Variants in EPS15 observed in about 807,000 individuals in gnomAD.
EPS15 encodes the protein epidermal growth factor receptor substrate 15.
In EPS15, 72 loss-of-function variants were observed where a neutral mutation model predicts 113.8. The ratio of observed to expected loss-of-function variants is 0.63; its 90% CI spans 0.52 to 0.77. EPS15 has a LOEUF of 0.77. Among genes scored for constraint, EPS15 ranks in the 30% least tolerant of loss-of-function variants. The pLI is 0.00. For missense variants in EPS15, 1,048 were observed against 1,045.8 expected, an observed-to-expected ratio of 1.00 and a Z score of -0.03; for synonymous variants, 344 against 363.4, an observed-to-expected ratio of 0.95 and a Z score of 0.61.
At chr1:51,413,447 G>C (rs1312034159) in intron 13 of EPS15, among the ~76,000 whole-genome samples, 1 of 152,168 alleles carries the variant, frequency 6.6e-6, no homozygotes, top group Non-Finnish European at 1.5e-5. Flanking sequence ...AGCAATTACT[G>C]TAACTATCAT....
intron 12 of EPS15, among the ~76,000 whole-genome samples, chr1:51,430,021 C>T (rs1009894424): frequency 8.6e-5 from 13 of 151,992 alleles, no homozygotes; most frequent in Non-Finnish European, 1.3e-4. Context: ...CTTTGAACAC[C>T]GAATGGCATT....
At chr1:51,466,640 A>G (rs1490343863) in intron 5 of EPS15, among the ~76,000 whole-genome samples, 1 of 151,832 alleles carries the variant, frequency 6.6e-6, no homozygotes, top group Non-Finnish European at 1.5e-5. Context: ...AAATAAATAA[A>G]TAAATAAAAA....
chr1:51,423,457 G>A, intron 12 of EPS15: 1 of 985,316 alleles, frequency 1.0e-6, no homozygotes, highest in Non-Finnish European at 1.2e-6. Flanking sequence ...CTCCTTATGT[G>A]AGCAGATGAA....
intron 19 of EPS15, 128 bp downstream of exon 19, chr1:51,400,790 C>T (rs1648468572): frequency 1.5e-5 from 4 of 270,200 alleles, no homozygotes; most frequent in Non-Finnish European, 3.0e-5. Flanking sequence ...GAATTTACTA[C>T]TCTCTTTCTG....
intron 21 of EPS15, among the ~76,000 whole-genome samples, chr1:51,390,491 T>A (rs928972753): frequency 6.6e-6 from 1 of 152,072 alleles, no homozygotes; most frequent in African/African-American, 2.4e-5. Flanking sequence ...AAAGAGCTTC[T>A]GCACAGCAAA....
chr1:51,387,997 C>T (rs1205537534), intron 21 of EPS15, among the ~76,000 whole-genome samples: 4 of 152,194 alleles, frequency 2.6e-5, no homozygotes, highest in Non-Finnish European at 5.9e-5. Context: ...AACTCTCCAC[C>T]ACAAATCAAC....
At chr1:51,408,990 G>C (rs1306673068) in intron 14 of EPS15, among the ~76,000 whole-genome samples, 1 of 152,124 alleles carries the variant, frequency 6.6e-6, no homozygotes, top group Non-Finnish European at 1.5e-5. Context: ...AGTAGAGACG[G>C]GGTTTCACCG....
At chr1:51,426,115 G>A (rs1651177203) in intron 12 of EPS15, among the ~76,000 whole-genome samples, 1 of 151,922 alleles carries the variant, frequency 6.6e-6, no homozygotes, top group Non-Finnish European at 1.5e-5. Flanking sequence ...TCTGTCACAA[G>A]TCACCTTACA....
In EPS15 at chr1:51,474,716, T is replaced by G. The variant is rs146601448; in HGVS notation, c.76-1768A>C. Among the ~76,000 whole-genome samples the G allele has an allele frequency of 2.3e-3, 352 of 152,134 alleles. 6 individuals are homozygous for G. In the East Asian group the frequency reaches 0.062, roughly 27 times the overall value. ...TATTATTATACTTTAAGTTCTAGGG[T>G]ACATGTGCACAACATGCAGGTTTGT... is the stretch of plus-strand genomic sequence containing the variant. On this transcript the variant is annotated intron_variant, in intron 2 of 24. Coordinates refer to ENST00000371733, the MANE Select transcript of EPS15 (RefSeq NM_001981.3).
chr1:51,373,893 G>C (rs1157270711), intron 21 of EPS15, among the ~76,000 whole-genome samples: 1 of 152,170 alleles, frequency 6.6e-6, no homozygotes, highest in Admixed American at 6.5e-5. Flanking sequence ...GGAGGTCGCA[G>C]TGAGCCGAGA....
At chr1:51,393,608 A>AT (rs1388276219) in intron 21 of EPS15, among the ~76,000 whole-genome samples, 2 of 152,244 alleles carry the variant, frequency 1.3e-5, no homozygotes, top group Non-Finnish European at 1.5e-5. Context: ...CACCTAGAAA[A>AT]ATAAAGCGAT....
At chr1:51,362,087 G>T (rs1485499690) in intron 23 of EPS15, among the ~76,000 whole-genome samples, 1 of 152,084 alleles carries the variant, frequency 6.6e-6, no homozygotes, top group Non-Finnish European at 1.5e-5. Flanking sequence ...TTGAAGAAAA[G>T]ATAATAAAAA....
chr1:51,356,943 C>A, intron 24 of EPS15, 97 bp from the exon 25 acceptor site: 1 of 981,304 alleles, frequency 1.0e-6, no homozygotes. Flanking sequence ...ACCTGAAGGA[C>A]TCTGGAAATA....
chr1:51,391,074 T>A (rs1487896057), intron 21 of EPS15, among the ~76,000 whole-genome samples: 6 of 151,654 alleles, frequency 4.0e-5, no homozygotes, highest in Non-Finnish European at 7.4e-5. Context: ...CAAATGTCCA[T>A]CAATGATAGA....
At chr1:51,368,222 AGT>A (rs1646551714) in intron 21 of EPS15, among the ~76,000 whole-genome samples, 1 of 152,232 alleles carries the variant, frequency 6.6e-6, no homozygotes, top group East Asian at 1.9e-4. Context: ...GAATGTGTAA[AGT>A]GTGCCCGTAT....
At chr1:51,365,375 AG>A (rs1450141402) in intron 22 of EPS15, among the ~76,000 whole-genome samples, 1 of 152,236 alleles carries the variant, frequency 6.6e-6, no homozygotes, top group Non-Finnish European at 1.5e-5. Flanking sequence ...AAAACCAAAA[AG>A]GTCTCTAGAC....
intron 12 of EPS15, among the ~76,000 whole-genome samples, chr1:51,437,776 C>T (rs898714699): frequency 3.9e-5 from 6 of 152,078 alleles, no homozygotes; most frequent in African/African-American, 1.4e-4. Context: ...AGCTATCGCG[C>T]CCAGCCCCTG....
intron 12 of EPS15, among the ~76,000 whole-genome samples, chr1:51,432,255 A>T (rs1436781310): frequency 6.6e-6 from 1 of 152,228 alleles, no homozygotes; most frequent in Non-Finnish European, 1.5e-5. Flanking sequence ...AATGAAATGT[A>T]TAATAATTCT....
intron 7 of EPS15, among the ~76,000 whole-genome samples, chr1:51,462,483 C>T (rs1167098458): frequency 6.6e-6 from 1 of 151,514 alleles, no homozygotes; most frequent in Non-Finnish European, 1.5e-5. Flanking sequence ...ACTGGCAGTA[C>T]GGAGAAGCCC....
Sources: gnomAD v4.1 joint callset for allele counts (sites outside exome capture counted in the v4.1 genomes callset) on GRCh38, gnomAD v4.1.1 for gene constraint, MANE v1.5 for transcripts, NCBI Gene and HGNC (gene_info 2026-07-23, HGNC 2026-07-21) for gene names.